The following NEGR1 variants were observed in gnomAD, a reference collection of about 807,000 sequenced individuals.
NEGR1 encodes the protein neuronal growth regulator 1, also known as IgLON family member 4.
In NEGR1, 10 loss-of-function variants were observed where a neutral mutation model predicts 40.9. The ratio of observed to expected loss-of-function variants is 0.24; its 90% CI spans 0.15 to 0.42. The LOEUF (loss-of-function observed/expected upper bound fraction) is 0.42, where lower values mean the gene tolerates loss of function less well. Ranked by LOEUF, NEGR1 falls within the 10% of genes least tolerant of loss-of-function variation. NEGR1 has a pLI of 1.00. For missense variants in NEGR1, 352 were observed against 438.9 expected (o/e 0.80, Z 1.77); for synonymous variants, 185 against 166.8 (o/e 1.11, Z -0.84).
rs886891379 is a variant in NEGR1 at position 72,060,309 on chromosome 1, A to G, written c.177-124998T>C. On this transcript the variant is annotated intron_variant, in intron 1 of 6. Transcript: ENST00000357731. ...AAGATAGCTCCTTGTTTAATTAGAGATTTATCATCTTAACTAGCCGTACTA... is the reference window on the plus strand; with the variant it reads ...AAGATAGCTCCTTGTTTAATTAGAGGTTTATCATCTTAACTAGCCGTACTA... Among the ~76,000 whole-genome samples the G allele has an allele frequency of 4.0e-5, 6 of 151,570 alleles. No homozygotes were observed. In the Admixed American group the frequency reaches 4.0e-4, roughly 10 times the overall value.
chr1:71,864,433 C>T (rs528542664), intron 2 of NEGR1, among the ~76,000 whole-genome samples: 70 of 152,098 alleles, frequency 4.6e-4, no homozygotes, highest in Non-Finnish European at 9.6e-4. Flanking sequence ...AATCTGATTA[C>T]ACCTAAAAAT....
chr1:71,596,715 T>G (rs565223856), intron 5 of NEGR1, among the ~76,000 whole-genome samples: 1 of 152,352 alleles, frequency 6.6e-6, no homozygotes, highest in African/African-American at 2.4e-5. Flanking sequence ...ATTTTAAGAC[T>G]ATTGTTCACT....
chr1:72,139,214 C>A (rs1650580556), intron 1 of NEGR1, among the ~76,000 whole-genome samples: 1 of 148,046 alleles, frequency 6.8e-6, no homozygotes, highest in Non-Finnish European at 1.5e-5. Context: ...AGGGTCTGAA[C>A]CAAATGACTT....
chr1:72,223,551 T>A (rs1241480318), intron 1 of NEGR1, among the ~76,000 whole-genome samples: 1 of 152,166 alleles, frequency 6.6e-6, no homozygotes, highest in African/African-American at 2.4e-5. Flanking sequence ...TGACTATAAT[T>A]CCACTAGTCA....
At chr1:72,038,901 A>G (rs1646927954) in intron 1 of NEGR1, among the ~76,000 whole-genome samples, 1 of 152,038 alleles carries the variant, frequency 6.6e-6, no homozygotes, top group Non-Finnish European at 1.5e-5. Flanking sequence ...GAACCCTCAC[A>G]TCTAACAATG....
intron 6 of NEGR1, among the ~76,000 whole-genome samples, chr1:71,565,277 C>A (rs979074552): frequency 2.0e-5 from 3 of 152,082 alleles, no homozygotes; most frequent in African/African-American, 7.2e-5. Context: ...GGAATTAAGA[C>A]ATATTCAAAG....
chr1:71,735,007 T>TCTCTGTTA (rs1254207748), intron 3 of NEGR1, among the ~76,000 whole-genome samples: 1 of 152,126 alleles, frequency 6.6e-6, no homozygotes. Context: ...TACCCGGAAA[T>TCTCTGTTA]CTCTGTTACT....
intron 6 of NEGR1, among the ~76,000 whole-genome samples, chr1:71,474,605 G>A (rs1646807169): frequency 6.7e-6 from 1 of 149,794 alleles, no homozygotes; most frequent in Admixed American, 6.7e-5. Context: ...CAGCTACTTG[G>A]GAGGCTGAGG....
chr1:71,691,143 A>G (rs1447572864), intron 4 of NEGR1, among the ~76,000 whole-genome samples: 2 of 151,936 alleles, frequency 1.3e-5, no homozygotes, highest in African/African-American at 4.8e-5. Flanking sequence ...TTGGCACACT[A>G]GTCATTAATT....
chr1:71,602,187 G>A (rs886171873), intron 5 of NEGR1, among the ~76,000 whole-genome samples: 3 of 145,424 alleles, frequency 2.1e-5, no homozygotes, highest in Non-Finnish European at 4.5e-5. Flanking sequence ...AAAACCTTCC[G>A]CATAATGCTT....
intron 1 of NEGR1, among the ~76,000 whole-genome samples, chr1:72,236,321 T>C (rs1259067021): frequency 6.6e-6 from 1 of 151,830 alleles, no homozygotes; most frequent in Non-Finnish European, 1.5e-5. Flanking sequence ...TTAGGAGAAA[T>C]ACCTAATGTA....
At chr1:71,666,707 A>G (rs1040839697) in intron 4 of NEGR1, among the ~76,000 whole-genome samples, 1 of 152,200 alleles carries the variant, frequency 6.6e-6, no homozygotes, top group Non-Finnish European at 1.5e-5. Context: ...GGCAAAGTAT[A>G]GATCTTGTTG....
chr1:71,762,239 A>C (rs1252517371), intron 3 of NEGR1, among the ~76,000 whole-genome samples: 1 of 151,790 alleles, frequency 6.6e-6, no homozygotes, highest in Non-Finnish European at 1.5e-5. Context: ...GGAATGCAGG[A>C]AAAAGAAAAT....
intron 2 of NEGR1, among the ~76,000 whole-genome samples, chr1:71,837,727 G>A (rs779893950): frequency 4.6e-5 from 7 of 151,836 alleles, no homozygotes; most frequent in African/African-American, 9.7e-5. Context: ...CTCCCAAACC[G>A]CCATTAGCAC....
At chr1:71,790,836 T>C (rs946888525) in intron 2 of NEGR1, among the ~76,000 whole-genome samples, 4 of 152,032 alleles carry the variant, frequency 2.6e-5, no homozygotes, top group African/African-American at 9.7e-5. Flanking sequence ...CATACCTTTG[T>C]ATATGAGGAA....
chr1:71,556,044 TG>T (rs1431982534), intron 6 of NEGR1, among the ~76,000 whole-genome samples: 1 of 151,478 alleles, frequency 6.6e-6, no homozygotes, highest in Non-Finnish European at 1.5e-5. Flanking sequence ...AAGGATGGTA[TG>T]AACTTCTGAA....
At chr1:72,176,306 T>C (rs1246847721) in intron 1 of NEGR1, among the ~76,000 whole-genome samples, 1 of 152,128 alleles carries the variant, frequency 6.6e-6, no homozygotes, top group Non-Finnish European at 1.5e-5. Context: ...TACAATTATA[T>C]TAATTTAACA....
In NEGR1 at chr1:71,920,026, C is replaced by T. The variant is rs574966266; in HGVS notation, c.409+15053G>A. Among the ~76,000 whole-genome samples, 212 of 152,246 alleles carry T rather than the reference C, an allele frequency of 1.4e-3. 2 individuals carry two copies. Among genetic ancestry groups the T allele is most frequent in the African/African-American group, 4.9e-3 (203 of 41,560 alleles). On this transcript the variant is annotated intron_variant, in intron 2 of 6. Coordinates refer to ENST00000357731, the MANE Select transcript of NEGR1 (RefSeq NM_173808.3). The stretch of plus-strand genomic sequence containing the variant: ...AGCTGCTCCTCTCAGTATTGAATGG[C>T]TCCAGTCAGCAGTTGAGCTCAGCAA...
intron 2 of NEGR1, among the ~76,000 whole-genome samples, chr1:71,779,023 G>A (rs1656609274): frequency 6.6e-6 from 1 of 152,026 alleles, no homozygotes; most frequent in African/African-American, 2.4e-5. Flanking sequence ...TTGCCTTCCA[G>A]GGCCTCATAA....
Sources: allele counts gnomAD v4.1 joint callset (sites outside exome capture counted in the v4.1 genomes callset), GRCh38; gene constraint gnomAD v4.1.1; transcripts MANE v1.5; gene names NCBI Gene and HGNC (gene_info 2026-07-23, HGNC 2026-07-21).